GABRG2: variants seen among roughly 807,000 people sequenced by gnomAD.
GABRG2 encodes the protein gamma-aminobutyric acid type A receptor subunit gamma2.
A neutral mutation model predicts 56.4 loss-of-function variants in GABRG2; 16 were observed. The ratio of observed to expected loss-of-function variants is 0.28; its 90% CI spans 0.19 to 0.43. The LOEUF (loss-of-function observed/expected upper bound fraction) is 0.43, where lower values mean the gene tolerates loss of function less well. Ranked by LOEUF, GABRG2 falls within the 20% of genes least tolerant of loss-of-function variation. GABRG2 has a pLI of 1.00. For synonymous variants in GABRG2, 208 were observed against 205.5 expected, an observed-to-expected ratio of 1.01 and a Z score of -0.10; for missense variants, 327 against 582.7, an observed-to-expected ratio of 0.56 and a Z score of 4.52.
intron 7 of GABRG2, among the ~76,000 whole-genome samples, chr5:162,144,764 T>C (rs1318390460): frequency 6.6e-6 from 1 of 152,172 alleles, no homozygotes; most frequent in Non-Finnish European, 1.5e-5. Flanking sequence ...AGACCAATTG[T>C]AGGTACAGGT....
At chr5:162,113,319 T>G (rs908359840) in intron 6 of GABRG2, among the ~76,000 whole-genome samples, 1 of 152,162 alleles carries the variant, frequency 6.6e-6, no homozygotes, top group Non-Finnish European at 1.5e-5. Flanking sequence ...AAACACATCA[T>G]AGATGTCTAA....
At chr5:162,114,086 A>G (rs1395669555) in intron 6 of GABRG2, among the ~76,000 whole-genome samples, 1 of 152,178 alleles carries the variant, frequency 6.6e-6, no homozygotes, top group Non-Finnish European at 1.5e-5. Context: ...AACTAATAAT[A>G]AACAACTGAT....
rs781498456 is a variant in GABRG2, at chr5:162,101,268, G to A, written c.582G>A (p.Leu194=). ...LTIDAECQLQ[L]HNFPMDEHSC... is the part of the protein sequence containing the mutation. Reference sequence around the variant, plus strand: ...TTGATGCTGAGTGCCAATTACAATTGCACAACTTTCCAATGGATGAACACT... The same window carrying A: ...TTGATGCTGAGTGCCAATTACAATTACACAACTTTCCAATGGATGAACACT... Residue 194 remains leucine, a synonymous_variant, in exon 5 of 10, where the codon TTG becomes TTA. Transcript: ENST00000639213. The A allele has an allele frequency of 3.8e-5, 61 of 1,611,244 alleles. No homozygotes were observed. Among genetic ancestry groups the A allele is most frequent in the Admixed American group, 8.3e-5 (5 of 59,978 alleles).
intron 9 of GABRG2, chr5:162,152,857 A>C: frequency 1.7e-6 from 1 of 603,402 alleles, no homozygotes; most frequent in Non-Finnish European, 2.9e-6. Context: ...TCTCCTTGCT[A>C]TAGCTATTAG....
chr5:162,122,784 G>A (rs1426666139), intron 6 of GABRG2, among the ~76,000 whole-genome samples: 1 of 151,342 alleles, frequency 6.6e-6, no homozygotes, highest in Non-Finnish European at 1.5e-5. Context: ...ACTTGAGAAT[G>A]GAAAAGATAG....
In GABRG2 at chr5:162,118,169, A is replaced by T. The variant is rs766922741; in HGVS notation, c.769+14143A>T. 4.9e-4 allele frequency among the ~76,000 whole-genome samples: 74 copies of T among 151,568 alleles called. 1 individual carries two copies. Among genetic ancestry groups the T allele is most frequent in the Non-Finnish European group, 1.0e-4 (7 of 67,892 alleles). On this transcript the variant is annotated intron_variant, in intron 6 of 9. Transcript: ENST00000639213. ...CATGGTAGTTTTATCAAGGAAAAAA[A>T]AACCCAAACTATTGCTGTTCATAGA...
At chr5:162,121,688 A>C (rs761091443) in intron 6 of GABRG2, among the ~76,000 whole-genome samples, 8 of 152,046 alleles carry the variant, frequency 5.3e-5, no homozygotes, top group Non-Finnish European at 1.0e-4. Flanking sequence ...CTCCTTAGCA[A>C]CTAGCTTAGT....
intron 1 of GABRG2, among the ~76,000 whole-genome samples, chr5:162,089,616 A>G (rs930282112): frequency 1.3e-5 from 2 of 152,198 alleles, no homozygotes; most frequent in African/African-American, 2.4e-5. Flanking sequence ...AATGTTATGA[A>G]AGGAAACATT....
chr5:162,101,143 T>G (rs1171007446), intron 4 of GABRG2, 92 bp from the exon 5 acceptor site: 1 of 878,180 alleles, frequency 1.1e-6, no homozygotes, highest in African/African-American at 1.7e-5. Flanking sequence ...ATGTGAGATA[T>G]TCTCTAGAAA....
chr5:162,122,880 A>C (rs927156533), intron 6 of GABRG2, among the ~76,000 whole-genome samples: 6 of 151,660 alleles, frequency 4.0e-5, no homozygotes, highest in Non-Finnish European at 8.9e-5. Flanking sequence ...GAAGGAAGGA[A>C]AGGAAAGAAA....
At chr5:162,123,492 C>T (rs181656965) in intron 6 of GABRG2, among the ~76,000 whole-genome samples, 230 of 151,882 alleles carry the variant, frequency 1.5e-3, no homozygotes, top group African/African-American at 5.4e-3. Flanking sequence ...ATTATGCATT[C>T]TCAAAACAAA....
intron 6 of GABRG2, among the ~76,000 whole-genome samples, chr5:162,120,689 A>C (rs1762924194): frequency 6.6e-6 from 1 of 152,150 alleles, no homozygotes; most frequent in Non-Finnish European, 1.5e-5. Context: ...TAAATAGAAA[A>C]TAAGTGTTCA....
chr5:162,122,542 A>G (rs1226971131), intron 6 of GABRG2, among the ~76,000 whole-genome samples: 1 of 151,848 alleles, frequency 6.6e-6, no homozygotes, highest in Non-Finnish European at 1.5e-5. Context: ...ACTAGTATTG[A>G]GACATTCAGG....
intron 7 of GABRG2, among the ~76,000 whole-genome samples, chr5:162,146,782 G>C (rs1330508139): frequency 6.6e-6 from 1 of 152,182 alleles, no homozygotes; most frequent in Non-Finnish European, 1.5e-5. Context: ...TAGTTCCCTT[G>C]ATCATCTCTT....
At chr5:162,092,194 G>A (rs1760653846) in intron 1 of GABRG2, among the ~76,000 whole-genome samples, 2 of 152,012 alleles carry the variant, frequency 1.3e-5, no homozygotes, top group Admixed American at 1.3e-4. Flanking sequence ...GCAGCACACT[G>A]GCCTCTGCTT....
chr5:162,134,887 T>C (rs780392214), intron 6 of GABRG2, among the ~76,000 whole-genome samples: 15 of 152,172 alleles, frequency 9.9e-5, no homozygotes, highest in Non-Finnish European at 1.5e-4. Context: ...TTCTTCAGTA[T>C]AGTTCTCCAC....
intron 6 of GABRG2, among the ~76,000 whole-genome samples, chr5:162,113,503 C>T (rs1041995208): frequency 2.0e-5 from 3 of 152,176 alleles, no homozygotes; most frequent in Non-Finnish European, 2.9e-5. Context: ...AAGCACTTCA[C>T]TAGCAGCTTT....
At chr5:162,088,400 A>C (rs142517677) in intron 1 of GABRG2, among the ~76,000 whole-genome samples, 84 of 152,294 alleles carry the variant, frequency 5.5e-4, no homozygotes, top group African/African-American at 1.9e-3. Context: ...TCTCTGTTAT[A>C]TACATTGCTG....
At chr5:162,134,873 C>G (rs926124163) in intron 6 of GABRG2, among the ~76,000 whole-genome samples, 1 of 152,108 alleles carries the variant, frequency 6.6e-6, no homozygotes, top group East Asian at 1.9e-4. Flanking sequence ...CAAACCAGTT[C>G]CCATTCTTCA....
Sources: allele counts gnomAD v4.1 joint callset (sites outside exome capture counted in the v4.1 genomes callset), GRCh38; gene constraint gnomAD v4.1.1; transcripts MANE v1.5; gene names NCBI Gene and HGNC (gene_info 2026-07-23, HGNC 2026-07-21).